NUP35: variants seen among roughly 807,000 people sequenced by gnomAD.
NUP35 encodes the protein nucleoporin 35.
A neutral mutation model predicts 41.5 loss-of-function variants in NUP35; 25 were observed. That is an observed-to-expected ratio of 0.60 (90% confidence interval 0.44 to 0.84). The LOEUF is 0.84. Ranked by LOEUF, NUP35 falls within the 40% of genes least tolerant of loss-of-function variation. The pLI, the probability that NUP35 is intolerant of heterozygous loss-of-function variation, is 0.00. For missense variants in NUP35, 396 were observed against 396.6 expected (o/e 1.00, Z 0.01); for synonymous variants, 149 against 130.7 (o/e 1.14, Z -0.96).
chr2:183,152,110 AAC>A (rs67798004), intron 5 of NUP35, among the ~76,000 whole-genome samples: 15,693 of 113,198 alleles, frequency 0.14, 951 homozygotes, highest in East Asian at 0.26. Flanking sequence ...AACATTTACA[AAC>A]ACACACACAC....
At chr2:183,128,550 G>A (rs1206907627) in intron 2 of NUP35, 93 bp downstream of exon 2, 2 of 757,668 alleles carry the variant, frequency 2.6e-6, no homozygotes, top group African/African-American at 3.6e-5. Flanking sequence ...AAGAAGAATT[G>A]ACTTGGGCCA....
At chr2:183,157,301 C>G (rs775126202) in intron 5 of NUP35, 143 bp from the exon 6 acceptor site, 17 of 673,908 alleles carry the variant, frequency 2.5e-5, no homozygotes, top group African/African-American at 1.5e-4. Flanking sequence ...TAGCCCATAT[C>G]GGGGAAAACA....
intron 4 of NUP35, among the ~76,000 whole-genome samples, chr2:183,134,386 T>A (rs79035176): frequency 0.035 from 5,315 of 152,086 alleles, 290 homozygotes; most frequent in African/African-American, 0.12. Flanking sequence ...GAGGAAAAAA[T>A]TAAGCAGCAA....
intron 5 of NUP35, among the ~76,000 whole-genome samples, chr2:183,156,331 G>A (rs1685664424): frequency 6.6e-6 from 1 of 151,988 alleles, no homozygotes; most frequent in Admixed American, 6.6e-5. Context: ...TACTCATATA[G>A]ATTTTATTTA....
chr2:183,144,238 T>C (rs969020353), intron 4 of NUP35, among the ~76,000 whole-genome samples: 6 of 152,214 alleles, frequency 3.9e-5, no homozygotes, highest in African/African-American at 1.4e-4. Flanking sequence ...TGTATGGCAA[T>C]ATACATGGAG....
chr2:183,159,694 T>C, intron 8 of NUP35, 42 bp downstream of exon 8: 2 of 1,467,500 alleles, frequency 1.4e-6, no homozygotes, highest in South Asian at 2.3e-5. Flanking sequence ...CTTTAATGGC[T>C]GAGTGCATAG....
At chr2:183,143,936 A>G (rs1448677149) in intron 4 of NUP35, among the ~76,000 whole-genome samples, 1 of 152,206 alleles carries the variant, frequency 6.6e-6, no homozygotes, top group South Asian at 2.1e-4. Context: ...AATAGTCCTT[A>G]TAAGATTATC....
chr2:183,161,617 A>G lies in NUP35; in HGVS notation c.*486A>G, dbSNP rs1685883928. ...CTGTCACAGAGTGTCCTCTTGGTGTATTCTAAAACGAGCATTCTTTTAAAA... is the reference window on the plus strand; with the variant it reads ...CTGTCACAGAGTGTCCTCTTGGTGTGTTCTAAAACGAGCATTCTTTTAAAA... On this transcript the variant is annotated 3_prime_UTR_variant, in exon 9 of 9. Coordinates refer to ENST00000295119, the MANE Select transcript of NUP35 (RefSeq NM_138285.5). The G allele has an allele frequency of 6.6e-6, 1 of 152,238 alleles. No homozygotes were observed. Among genetic ancestry groups the G allele is most frequent in the Non-Finnish European group, 1.5e-5 (1 of 68,084 alleles). 9.4% of individuals were successfully genotyped at this position (152,238 alleles called of 1,614,324 possible). A position where few individuals can be genotyped will look rare whatever the true frequency, so the allele number is the denominator to read the frequency against.
At chr2:183,120,323 G>C (rs1276150054), upstream of NUP35, among the ~76,000 whole-genome samples, 1 of 151,894 alleles carries the variant, frequency 6.6e-6, no homozygotes, top group East Asian at 1.9e-4. Flanking sequence ...GTGTACACCT[G>C]TAATCCCAGC....
At chr2:183,148,866 C>T (rs1685368297) in intron 4 of NUP35, among the ~76,000 whole-genome samples, 1 of 152,070 alleles carries the variant, frequency 6.6e-6, no homozygotes, top group African/African-American at 2.4e-5. Flanking sequence ...TGCCATGTTG[C>T]CCAGGCTGGT....
chr2:183,125,945 A>AG (rs34681167), intron 1 of NUP35, among the ~76,000 whole-genome samples: 13 of 152,264 alleles, frequency 8.5e-5, no homozygotes, highest in African/African-American at 3.1e-4. Flanking sequence ...ATTTAGCCTG[A>AG]GGGGTGGTTG....
chr2:183,144,127 C>A (rs1406434216), intron 4 of NUP35, among the ~76,000 whole-genome samples: 1 of 152,148 alleles, frequency 6.6e-6, no homozygotes, highest in Non-Finnish European at 1.5e-5. Context: ...CAAATTAGAG[C>A]CAGCCAAAGG....
upstream of NUP35, among the ~76,000 whole-genome samples, chr2:183,121,938 T>A (rs1303995227): frequency 5.3e-5 from 8 of 149,998 alleles, no homozygotes; most frequent in East Asian, 1.9e-4. Context: ...TTATTATACT[T>A]TAAGTTCTAG....
intron 5 of NUP35, among the ~76,000 whole-genome samples, chr2:183,153,392 C>T (rs1385300420): frequency 1.3e-5 from 2 of 152,144 alleles, no homozygotes; most frequent in African/African-American, 2.4e-5. Context: ...GTCCCTTCCA[C>T]CTATGAGCCT....
At chr2:183,143,978 A>G (rs1444437986) in intron 4 of NUP35, among the ~76,000 whole-genome samples, 2 of 152,222 alleles carry the variant, frequency 1.3e-5, no homozygotes, top group Admixed American at 6.5e-5. Flanking sequence ...TAAGTTTGGG[A>G]TGATCACTTT....
chr2:183,124,957 C>G, intron 1 of NUP35, among the ~76,000 whole-genome samples: 1 of 149,698 alleles, frequency 6.7e-6, no homozygotes, highest in South Asian at 2.1e-4. Flanking sequence ...ACCGGTGCTT[C>G]CAGTTCCTGT....
At chr2:183,159,248 G>A (rs1685781912) in intron 7 of NUP35, among the ~76,000 whole-genome samples, 1 of 152,000 alleles carries the variant, frequency 6.6e-6, no homozygotes, top group South Asian at 2.1e-4. Flanking sequence ...TTATTTTTGT[G>A]GTCTATAGTT....
chr2:183,153,541 C>A (rs1250336193), intron 5 of NUP35, among the ~76,000 whole-genome samples: 1 of 152,208 alleles, frequency 6.6e-6, no homozygotes, highest in African/African-American at 2.4e-5. Context: ...TCCAGAGGGG[C>A]AGTCAAATTT....
intron 2 of NUP35, among the ~76,000 whole-genome samples, chr2:183,129,539 A>G (rs1033425477): frequency 6.6e-6 from 1 of 152,244 alleles, no homozygotes; most frequent in Non-Finnish European, 1.5e-5. Flanking sequence ...TAAACATTAA[A>G]TTTCAAATGT....
Sources: gnomAD v4.1 joint callset for allele counts (sites outside exome capture counted in the v4.1 genomes callset) on GRCh38, gnomAD v4.1.1 for gene constraint, MANE v1.5 for transcripts, NCBI Gene and HGNC (gene_info 2026-07-23, HGNC 2026-07-21) for gene names.